PDE6C: variants seen among roughly 807,000 people sequenced by gnomAD.
The protein encoded by PDE6C is cone cGMP-specific 3',5'-cyclic phosphodiesterase subunit alpha'.
In PDE6C, 75 loss-of-function variants were observed where a neutral mutation model predicts 113.1. That is an observed-to-expected ratio of 0.66 (90% CI 0.55 to 0.80). The LOEUF (loss-of-function observed/expected upper bound fraction) is 0.80, where lower values mean the gene tolerates loss of function less well. Among genes scored for constraint, PDE6C ranks in the 30% least tolerant of loss-of-function variants. PDE6C has a pLI of 0.00. For synonymous variants in PDE6C, 375 were observed against 363.7 expected, an observed-to-expected ratio of 1.03 and a Z score of -0.35; for missense variants, 912 against 1,038.6, an observed-to-expected ratio of 0.88 and a Z score of 1.67.
At chr10:93,633,880 G>A (rs2058515272) in intron 8 of PDE6C, among the ~76,000 whole-genome samples, 1 of 152,188 alleles carries the variant, frequency 6.6e-6, no homozygotes, top group South Asian at 2.1e-4. Flanking sequence ...GGGAAAGAAA[G>A]GGAAAAGGTT....
At chr10:93,631,641 C>T (rs12049686) in intron 8 of PDE6C, among the ~76,000 whole-genome samples, 23,697 of 152,200 alleles carry the variant, frequency 0.16, 2,769 homozygotes, top group African/African-American at 0.33. Flanking sequence ...TTCCGCACAG[C>T]GGACTAGGAC....
intron 21 of PDE6C, among the ~76,000 whole-genome samples, chr10:93,664,593 C>T (rs1333691665): frequency 6.6e-6 from 1 of 152,154 alleles, no homozygotes; most frequent in Non-Finnish European, 1.5e-5. Context: ...TTTCTTAGTA[C>T]TATTAGATTT....
At chr10:93,641,072 T>C (rs373202122) in intron 14 of PDE6C, 43 bp downstream of exon 14, 2 of 1,177,024 alleles carry the variant, frequency 1.7e-6, no homozygotes, top group African/African-American at 3.0e-5. Context: ...TTGGTGGACA[T>C]TGGAAAGTAC....
intron 15 of PDE6C, among the ~76,000 whole-genome samples, chr10:93,646,769 C>T (rs1472598974): frequency 1.3e-5 from 2 of 152,136 alleles, no homozygotes; most frequent in East Asian, 1.9e-4. Context: ...AAACACTGCT[C>T]GCAAAATCCA....
chr10:93,665,440 T>C lies in PDE6C; in HGVS notation c.*22T>C, dbSNP rs747347723. On this transcript the variant is annotated 3_prime_UTR_variant, in exon 22 of 22. Transcript: ENST00000371447. ...GTAATATTATCTAACTGGTCTAAAC[T>C]TCAAATATCATTTTACCTTTGAAGA... 6.9e-7 allele frequency: 1 copy of C among 1,445,704 alleles called. No homozygotes were observed. Among genetic ancestry groups the C allele is most frequent in the Non-Finnish European group, 9.7e-7 (1 of 1,026,568 alleles). The allele number at this position is 1,445,704 out of a possible 1,614,324, so 89.6% of individuals were successfully genotyped here.
Position 93,643,874 on chromosome 10 carries a change from A to T in PDE6C, c.1848-2086A>T, listed in dbSNP as rs949673038. On this transcript the variant is annotated intron_variant, in intron 14 of 21. Coordinates refer to ENST00000371447, the MANE Select transcript of PDE6C (RefSeq NM_006204.4). ...TATTACCTAATATAAAGTGTTTTTTAAAAATTTTCCAATTACCACAATAAT... is the reference window on the plus strand; with the variant it reads ...TATTACCTAATATAAAGTGTTTTTTTAAAATTTTCCAATTACCACAATAAT... Among the ~76,000 whole-genome samples, 3 of 150,936 alleles carry T rather than the reference A, an allele frequency of 2.0e-5. No individual in the cohort carries two copies. In the East Asian group the frequency reaches 5.8e-4, roughly 29 times the overall value.
At chr10:93,630,399 C>A (rs2058495446) in intron 8 of PDE6C, among the ~76,000 whole-genome samples, 2 of 150,472 alleles carry the variant, frequency 1.3e-5, no homozygotes, top group African/African-American at 2.4e-5. Flanking sequence ...CAACTGTCAC[C>A]CCCCACCTGT....
At chr10:93,645,100 G>C (rs2058578222) in intron 14 of PDE6C, among the ~76,000 whole-genome samples, 1 of 151,828 alleles carries the variant, frequency 6.6e-6, no homozygotes, top group African/African-American at 2.4e-5. Flanking sequence ...TCAGAAGATA[G>C]AAAGCAGTTT....
At chr10:93,624,724 C>T (rs1007600464) in intron 4 of PDE6C, among the ~76,000 whole-genome samples, 1 of 152,162 alleles carries the variant, frequency 6.6e-6, no homozygotes, top group Admixed American at 6.5e-5. Flanking sequence ...CTAAAAGCAT[C>T]TCTAACAATA....
In PDE6C at chr10:93,659,148, C is replaced by T. The variant is rs773770502; in HGVS notation, c.2189C>T (p.Pro730Leu). The T allele has an allele frequency of 6.2e-7, 1 of 1,610,780 alleles. No homozygotes were observed. Among genetic ancestry groups the T allele is most frequent in the Non-Finnish European group, 8.5e-7 (1 of 1,178,968 alleles). The change falls in exon 18 of 22, where the codon CCC (proline) becomes CTC (leucine). Residue 730 changes from proline to leucine, a missense_variant. Physicochemically the swap from Pro to Leu is moderately conservative, Grantham distance 98 (BLOSUM62 -3). Coordinates refer to ENST00000371447, the MANE Select transcript of PDE6C (RefSeq NM_006204.4). ...TGTGACTTGTCTGCTATTACCAAGC[C>T]CTGGGAGGTGCAAAGTCAGGTGAGT... ...TACDLSAITK[P>L]WEVQSQVALM...
chr10:93,642,713 G>T lies in PDE6C; in HGVS notation c.1847+1684G>T, dbSNP rs145758013. On this transcript the variant is annotated intron_variant, in intron 14 of 21. Coordinates refer to ENST00000371447, the MANE Select transcript of PDE6C (RefSeq NM_006204.4). ...ATAAAGTGTTGACCTCTCAAAGATT[G>T]TTGTGAGAATCCAGTGAAATTACAT... 1.3e-4 allele frequency among the ~76,000 whole-genome samples: 20 copies of T among 152,312 alleles called. No homozygotes were observed. In the East Asian group the frequency reaches 3.9e-3, roughly 29 times the overall value.
intron 7 of PDE6C, among the ~76,000 whole-genome samples, chr10:93,629,003 T>C (rs541582027): frequency 6.6e-6 from 1 of 152,266 alleles, no homozygotes; most frequent in South Asian, 2.1e-4. Flanking sequence ...TTGAAGGGGA[T>C]TCCCTGGAGT....
Position 93,640,191 on chromosome 10 carries a change from T to C in PDE6C, c.1604T>C (p.Val535Ala), listed in dbSNP as rs780599757. 1.2e-6 allele frequency: 2 copies of C among 1,613,104 alleles called. No individual in the cohort carries two copies. Among genetic ancestry groups the C allele is most frequent in the Non-Finnish European group, 1.7e-6 (2 of 1,179,102 alleles). ...CGACTGTTTTTTGAAATAAATGTGG[T>C]GGAGAAATTCAAAGTACCTGTAGAG... ...GIRLFFEINVVEKFKVPVEVL... is the reference protein window; with the variant it reads ...GIRLFFEINVAEKFKVPVEVL... The change falls in exon 12 of 22, where the codon GTG becomes GCG. Residue 535 changes from valine (V) to alanine (A), a missense_variant. By Grantham distance (64) the Val-to-Ala change is moderately conservative (BLOSUM62 0). Transcript: ENST00000371447.
chr10:93,635,448 A>G (rs751795284), intron 9 of PDE6C, 49 bp from the exon 10 acceptor site: 18 of 1,542,762 alleles, frequency 1.2e-5, no homozygotes, highest in Non-Finnish European at 1.6e-5. Context: ...CCTCCAAACC[A>G]ATTTTTCTTT....
chr10:93,629,727 C>T lies in PDE6C; in HGVS notation c.1119+422C>T, dbSNP rs376214489. On this transcript the variant is annotated intron_variant, in intron 8 of 21. Coordinates refer to ENST00000371447, the MANE Select transcript of PDE6C (RefSeq NM_006204.4). ...CGGCACAACCCAGATCTCTCACATG[C>T]GCAGTTCACAAGAGGGTTCACACTC... 1.4e-4 allele frequency among the ~76,000 whole-genome samples: 22 copies of T among 152,314 alleles called. No homozygotes were observed. In the East Asian group the frequency reaches 3.5e-3, roughly 24 times the overall value.
At position 93,613,058 on chromosome 10, in the gene PDE6C, C is replaced by A; in HGVS notation, c.333C>A (p.Ala111=). The change falls in exon 1 of 22, where the codon GCC becomes GCA. Residue 111 remains alanine (A), a synonymous_variant. Transcript: ENST00000371447. Reference sequence around the variant, plus strand: ...CCCGGAACGGCATACCTGAGGTGGCCTCTAGGTTGCTGGATGTCACCCCCA... The same window carrying A: ...CCCGGAACGGCATACCTGAGGTGGCATCTAGGTTGCTGGATGTCACCCCCA... ...CRSRNGIPEV[A]SRLLDVTPTS... 6.2e-7 allele frequency: 1 copy of A among 1,614,198 alleles called. No individual in the cohort carries two copies. The highest frequency in any genetic ancestry group is 8.5e-7 in the Non-Finnish European group (1 of 1,180,038).
chr10:93,626,494 T>C (rs542747546), intron 5 of PDE6C, 146 bp from the exon 6 acceptor site: 4 of 631,738 alleles, frequency 6.3e-6, no homozygotes, highest in Non-Finnish European at 1.1e-5. Flanking sequence ...AGTCAGGATA[T>C]AAGTAGTTTG....
At chr10:93,628,175 A>C (rs2058482924) in intron 7 of PDE6C, among the ~76,000 whole-genome samples, 1 of 152,218 alleles carries the variant, frequency 6.6e-6, no homozygotes, top group African/African-American at 2.4e-5. Context: ...TCTGGAGCTC[A>C]CAGTTCTAGT....
intron 8 of PDE6C, among the ~76,000 whole-genome samples, chr10:93,634,331 A>G (rs2058517489): frequency 6.6e-6 from 1 of 152,204 alleles, no homozygotes; most frequent in Non-Finnish European, 1.5e-5. Flanking sequence ...TAAATTAAAA[A>G]TAAACTAAGT....
Sources: allele counts gnomAD v4.1 joint callset (sites outside exome capture counted in the v4.1 genomes callset), GRCh38; gene constraint gnomAD v4.1.1; transcripts MANE v1.5; gene names NCBI Gene and HGNC (gene_info 2026-07-23, HGNC 2026-07-21).